Variants in PRDM16 observed in about 807,000 individuals in gnomAD.
PRDM16 encodes the protein histone-lysine N-methyltransferase PRDM16.
In PRDM16, 23 loss-of-function variants were observed where a neutral mutation model predicts 110.6. That is an observed-to-expected ratio of 0.21 (90% CI 0.15 to 0.29). The LOEUF (loss-of-function observed/expected upper bound fraction) is 0.29. Among genes scored for constraint, PRDM16 ranks in the 10% least tolerant of loss-of-function variants. The pLI, the probability that PRDM16 is intolerant of heterozygous loss-of-function variation, is 1.00. For missense variants in PRDM16, 1,615 were observed against 1,794.3 expected (o/e 0.90, Z 1.81); for synonymous variants, 799 against 781.8 (o/e 1.02, Z -0.37).
chr1:3,196,477 G>A (rs1638479737), intron 2 of PRDM16, among the ~76,000 whole-genome samples: 1 of 152,238 alleles, frequency 6.6e-6, no homozygotes, highest in Non-Finnish European at 1.5e-5. Flanking sequence ...GCCCTTGTGG[G>A]GCCTGAGAAT....
chr1:3,381,318 C>T (rs989469469), intron 3 of PRDM16, among the ~76,000 whole-genome samples: 1 of 151,560 alleles, frequency 6.6e-6, no homozygotes, highest in Non-Finnish European at 1.5e-5. Flanking sequence ...TAGTGGGACA[C>T]GGATTGTTTT....
Position 3,372,495 on chromosome 1 carries a change from G to A in PRDM16, c.439-12657G>A, listed in dbSNP as rs755827941. ...CCTCGTGTCACCTCACAGAGAAACC[G>A]CTTCCTGTGGGCGACCTGGGCTCCC... is the stretch of plus-strand genomic sequence containing the variant. On this transcript the variant is annotated intron_variant, in intron 3 of 16. Coordinates refer to ENST00000270722, the MANE Select transcript of PRDM16 (RefSeq NM_022114.4). 3.4e-4 allele frequency among the ~76,000 whole-genome samples: 52 copies of A among 152,330 alleles called. 3 individuals are homozygous for A. The highest frequency in any genetic ancestry group is 1.2e-3 in the Admixed American group (19 of 15,302).
intron 3 of PRDM16, among the ~76,000 whole-genome samples, chr1:3,336,368 G>A (rs1642149459): frequency 6.6e-6 from 1 of 151,778 alleles, no homozygotes; most frequent in Non-Finnish European, 1.5e-5. Context: ...GTGGAGGGGT[G>A]TGTGTGCATA....
intron 3 of PRDM16, among the ~76,000 whole-genome samples, chr1:3,249,120 G>A (rs911096580): frequency 2.6e-5 from 4 of 152,142 alleles, no homozygotes; most frequent in Non-Finnish European, 5.9e-5. Context: ...ACAGCACCAC[G>A]CAGCCGGAGA....
At chr1:3,181,559 TACAC>T (rs1644189777) in intron 1 of PRDM16, among the ~76,000 whole-genome samples, 1 of 134,336 alleles carries the variant, frequency 7.4e-6, no homozygotes, top group Non-Finnish European at 1.5e-5. Flanking sequence ...CACGCAGTCT[TACAC>T]ACGCAGTCTT....
intron 3 of PRDM16, among the ~76,000 whole-genome samples, chr1:3,340,891 G>A (rs982537524): frequency 3.9e-5 from 6 of 152,168 alleles, no homozygotes; most frequent in African/African-American, 1.4e-4. Context: ...CTGGCATTGG[G>A]GGCCGTGCTG....
In PRDM16 at chr1:3,238,385, A is replaced by G. The variant is rs567048134; in HGVS notation, c.388-5702A>G. ...TCTTAGGAGTAAAGAGAGAGCCTCCATTCATTGGATGGATCTCACTTGAAG... is the reference window on the plus strand; with the variant it reads ...TCTTAGGAGTAAAGAGAGAGCCTCCGTTCATTGGATGGATCTCACTTGAAG... On this transcript the variant is annotated intron_variant, in intron 2 of 16. Transcript: ENST00000270722. Among the ~76,000 whole-genome samples, 19 of 152,338 alleles carry G rather than the reference A, an allele frequency of 1.2e-4. No homozygotes were observed. In the East Asian group the frequency reaches 3.7e-3, roughly 29 times the overall value.
intron 8 of PRDM16, among the ~76,000 whole-genome samples, chr1:3,408,682 A>ATGAGTGTGGGTG: frequency 1.8e-5 from 2 of 112,722 alleles, no homozygotes; most frequent in Non-Finnish European, 3.6e-5. Flanking sequence ...GAGTGTGAGC[A>ATGAGTGTGGGTG]CGTGAGCCGG....
chr1:3,404,032 G>A (rs1403477326), intron 6 of PRDM16, among the ~76,000 whole-genome samples: 4 of 152,192 alleles, frequency 2.6e-5, no homozygotes, highest in East Asian at 1.9e-4. Context: ...AATTAACAAC[G>A]GGGGAAAAGA....
chr1:3,277,152 G>A (rs1007313051), intron 3 of PRDM16, among the ~76,000 whole-genome samples: 6 of 152,218 alleles, frequency 3.9e-5, no homozygotes, highest in Admixed American at 1.3e-4. Context: ...ACAGACAAGA[G>A]CCAGGCCAGG....
At chr1:3,389,949 G>GGCCCC (rs1643269856) in intron 4 of PRDM16, among the ~76,000 whole-genome samples, 1 of 106,948 alleles carries the variant, frequency 9.4e-6, no homozygotes, top group Non-Finnish European at 2.0e-5. Flanking sequence ...CTGGGGGTGC[G>GGCCCC]CCCCCCCCCC....
intron 1 of PRDM16, among the ~76,000 whole-genome samples, chr1:3,082,639 G>A (rs2742684): frequency 0.26 from 39,222 of 152,178 alleles, 5,224 homozygotes; most frequent in South Asian, 0.32. Context: ...AGCCGGGGTT[G>A]GGGGCCAATG....
At chr1:3,248,639 C>G (rs548276888) in intron 3 of PRDM16, among the ~76,000 whole-genome samples, 2 of 151,926 alleles carry the variant, frequency 1.3e-5, no homozygotes, top group East Asian at 1.9e-4. Flanking sequence ...GAAGAGGGGC[C>G]GGTGATGGGT....
chr1:3,288,817 G>A (rs1449894235), intron 3 of PRDM16, among the ~76,000 whole-genome samples: 1 of 152,160 alleles, frequency 6.6e-6, no homozygotes, highest in Non-Finnish European at 1.5e-5. Flanking sequence ...AGGGGCAGGG[G>A]CCAAATGTCA....
rs537745599 is a variant in PRDM16 at position 3,382,704 on chromosome 1, G to A, written c.439-2448G>A. On this transcript the variant is annotated intron_variant, in intron 3 of 16. Transcript: ENST00000270722. The surrounding 1 kb of genome is among the most constrained non-coding windows in gnomAD (Gnocchi z 6.6). ...CTGAGGGGGATGCACTCAGGAGCAC[G>A]TACTCCTGGCTGCACCAATGGGGTG... 3.9e-5 allele frequency among the ~76,000 whole-genome samples: 6 copies of A among 152,276 alleles called. No homozygotes were observed. In the East Asian group the frequency reaches 5.8e-4, roughly 15 times the overall value.
Position 3,412,579 on chromosome 1 carries a change from C to A in PRDM16, c.2382C>A (p.Ala794=), listed in dbSNP as rs1432488508. 2 of 1,607,236 alleles carry A rather than the reference C, an allele frequency of 1.2e-6. No homozygotes were observed. The highest frequency in any genetic ancestry group is 3.3e-5 in the Admixed American group (2 of 59,800). ...TGCCCATGCCCAAGGGCCCCTCGGCCCCCGCATCCGGCGAGGAGCAGCCGC... is the reference window on the plus strand; with the variant it reads ...TGCCCATGCCCAAGGGCCCCTCGGCACCCGCATCCGGCGAGGAGCAGCCGC... ...PILPMPKGPS[A]PASGEEQPLD... is the part of the protein sequence containing the mutation. The change falls in exon 9 of 17, where the codon GCC becomes GCA. Residue 794 remains alanine (A), a synonymous_variant. Coordinates refer to ENST00000270722, the MANE Select transcript of PRDM16 (RefSeq NM_022114.4).
intron 1 of PRDM16, among the ~76,000 whole-genome samples, chr1:3,178,984 T>C (rs1253212802): frequency 6.6e-6 from 1 of 152,264 alleles, no homozygotes; most frequent in East Asian, 1.9e-4. Flanking sequence ...GCCCTTCCCT[T>C]GGGCTGGCCC....
rs1642448476 is a variant in PRDM16, at chr1:3,098,089, T to A, written c.37+28793T>A. ...CCTTGTGCGGCTCCTTCCCAGTCTG[T>A]AAAGGGCACTGAGGCCTCCTGTCAG... On this transcript the variant is annotated intron_variant, in intron 1 of 16. Coordinates refer to ENST00000270722, the MANE Select transcript of PRDM16 (RefSeq NM_022114.4). Among the ~76,000 whole-genome samples the A allele has an allele frequency of 2.0e-5, 3 of 152,096 alleles. No individual in the cohort carries two copies. The South Asian group carries it at 6.2e-4, about 32-fold the overall frequency.
intron 1 of PRDM16, among the ~76,000 whole-genome samples, chr1:3,102,129 T>C (rs1421359576): frequency 6.6e-6 from 1 of 152,176 alleles, no homozygotes; most frequent in Non-Finnish European, 1.5e-5. Flanking sequence ...CATTCAATGC[T>C]CCCAGGAGCC....
Sources: allele counts gnomAD v4.1 joint callset (sites outside exome capture counted in the v4.1 genomes callset), GRCh38; gene constraint gnomAD v4.1.1; non-coding constraint Gnocchi (gnomAD v3.1); transcripts MANE v1.5; gene names NCBI Gene and HGNC (gene_info 2026-07-23, HGNC 2026-07-21).